ZNF804A: variants seen among roughly 807,000 people sequenced by gnomAD.
ZNF804A encodes zinc finger protein 804A.
ZNF804A carries 2 observed loss-of-function variants against 16.5 expected under a neutral mutation model. The observed-to-expected ratio is 0.12, with a 90% CI of 0.05 to 0.38. The LOEUF is 0.38. Ranked by LOEUF, ZNF804A falls within the 10% of genes least tolerant of loss-of-function variation. ZNF804A has a pLI of 0.99. For synonymous variants in ZNF804A, 534 were observed against 489.6 expected, an observed-to-expected ratio of 1.09 and a Z score of -1.20; for missense variants, 1,473 against 1,390.7, an observed-to-expected ratio of 1.06 and a Z score of -0.94.
intron 1 of ZNF804A, among the ~76,000 whole-genome samples, chr2:184,691,896 A>T (rs1397803804): frequency 6.6e-6 from 1 of 152,116 alleles, no homozygotes; most frequent in Non-Finnish European, 1.5e-5. Context: ...TAAAACACAG[A>T]GAAATGATCC....
chr2:184,744,584 C>G (rs942373378), intron 1 of ZNF804A, among the ~76,000 whole-genome samples: 1 of 151,874 alleles, frequency 6.6e-6, no homozygotes, highest in African/African-American at 2.4e-5. Context: ...TCTTGATCTT[C>G]CAATACTCCA....
intron 1 of ZNF804A, among the ~76,000 whole-genome samples, chr2:184,659,682 C>A (rs1692136297): frequency 6.6e-6 from 1 of 152,014 alleles, no homozygotes; most frequent in East Asian, 1.9e-4. Context: ...TGGCTGACCC[C>A]AAAAGCCATG....
chr2:184,656,349 G>T (rs933725070), intron 1 of ZNF804A, among the ~76,000 whole-genome samples: 1 of 152,108 alleles, frequency 6.6e-6, no homozygotes, highest in Non-Finnish European at 1.5e-5. Context: ...TTATTACAGT[G>T]CATGGAAGAG....
At chr2:184,837,010 C>T (rs1695360669) in intron 1 of ZNF804A, among the ~76,000 whole-genome samples, 2 of 152,034 alleles carry the variant, frequency 1.3e-5, no homozygotes, top group Non-Finnish European at 1.5e-5. Flanking sequence ...TCTGTTCACA[C>T]ATTGCTTTTC....
chr2:184,700,922 G>A (rs887825718), intron 1 of ZNF804A, among the ~76,000 whole-genome samples: 1 of 151,894 alleles, frequency 6.6e-6, no homozygotes, highest in African/African-American at 2.4e-5. Context: ...TCAGAGTAAT[G>A]AGGATATCCA....
intron 2 of ZNF804A, among the ~76,000 whole-genome samples, chr2:184,896,077 G>GT (rs1308813728): frequency 1.3e-5 from 2 of 151,684 alleles, no homozygotes; most frequent in Non-Finnish European, 2.9e-5. Flanking sequence ...TTTGCCACGT[G>GT]TTTTTTTTCT....
At chr2:184,801,716 A>G (rs530968712) in intron 1 of ZNF804A, among the ~76,000 whole-genome samples, 13 of 152,182 alleles carry the variant, frequency 8.5e-5, no homozygotes, top group Admixed American at 2.0e-4. Flanking sequence ...CTTTGATTAC[A>G]TTAACAACGT....
intron 1 of ZNF804A, among the ~76,000 whole-genome samples, chr2:184,696,783 T>G (rs1224437559): frequency 6.6e-6 from 1 of 152,080 alleles, no homozygotes; most frequent in Non-Finnish European, 1.5e-5. Context: ...GTGTTCTTGC[T>G]GTGCATATAA....
chr2:184,896,512 C>G (rs1558995748), intron 2 of ZNF804A, among the ~76,000 whole-genome samples: 2 of 152,104 alleles, frequency 1.3e-5, no homozygotes, highest in Non-Finnish European at 2.9e-5. Flanking sequence ...AATAAAAGCT[C>G]TGGTATCTTG....
chr2:184,813,245 A>C (rs1694928867), intron 1 of ZNF804A, among the ~76,000 whole-genome samples: 1 of 152,154 alleles, frequency 6.6e-6, no homozygotes, highest in Non-Finnish European at 1.5e-5. Flanking sequence ...ATTAAAAAAA[A>C]AGTATAAAAC....
chr2:184,687,396 G>C (rs1272475078), intron 1 of ZNF804A, among the ~76,000 whole-genome samples: 1 of 152,152 alleles, frequency 6.6e-6, no homozygotes, highest in African/African-American at 2.4e-5. Context: ...ATTCAGCATT[G>C]TGATCAGTTT....
chr2:184,917,710 A>G (rs555137449), intron 2 of ZNF804A, among the ~76,000 whole-genome samples: 2 of 152,102 alleles, frequency 1.3e-5, no homozygotes, highest in South Asian at 2.1e-4. Context: ...TACAGTAAAT[A>G]TAAGATTTGG....
intron 1 of ZNF804A, among the ~76,000 whole-genome samples, chr2:184,852,186 C>T (rs1695614341): frequency 6.6e-6 from 1 of 151,418 alleles, no homozygotes; most frequent in South Asian, 2.1e-4. Flanking sequence ...ACAAATAGTA[C>T]TGATAATATA....
At chr2:184,613,127 A>T (rs1476360767) in intron 1 of ZNF804A, among the ~76,000 whole-genome samples, 3 of 152,270 alleles carry the variant, frequency 2.0e-5, no homozygotes, top group Non-Finnish European at 4.4e-5. Context: ...TCTATGAAGT[A>T]TAGAAACTGT....
chr2:184,760,266 T>G (rs1355434271), intron 1 of ZNF804A, among the ~76,000 whole-genome samples: 4 of 152,226 alleles, frequency 2.6e-5, no homozygotes, highest in African/African-American at 9.6e-5. Context: ...GACTGTTTAT[T>G]TGAACGAATT....
intron 2 of ZNF804A, among the ~76,000 whole-genome samples, chr2:184,896,258 C>T (rs113113034): frequency 0.013 from 2,042 of 152,182 alleles, 27 homozygotes; most frequent in South Asian, 0.04. Flanking sequence ...AACTCCCTAT[C>T]AGGATGCATT....
chr2:184,848,078 T>C (rs746691208), intron 1 of ZNF804A, among the ~76,000 whole-genome samples: 5 of 151,988 alleles, frequency 3.3e-5, no homozygotes, highest in Admixed American at 6.6e-5. Context: ...TGACTCAATC[T>C]TCAGCCCTTC....
intron 2 of ZNF804A, among the ~76,000 whole-genome samples, chr2:184,932,516 C>G (rs990422465): frequency 1.3e-5 from 2 of 151,998 alleles, no homozygotes; most frequent in Non-Finnish European, 2.9e-5. Context: ...TGGGAAAGAC[C>G]CGCCCCCATG....
chr2:184,778,439 A>G (rs928292780), intron 1 of ZNF804A, among the ~76,000 whole-genome samples: 1 of 151,620 alleles, frequency 6.6e-6, no homozygotes, highest in Non-Finnish European at 1.5e-5. Flanking sequence ...ACACATATGT[A>G]TAAAGTGGTT....
Sources: gnomAD v4.1 joint callset for allele counts (sites outside exome capture counted in the v4.1 genomes callset) on GRCh38, gnomAD v4.1.1 for gene constraint, MANE v1.5 for transcripts, NCBI Gene and HGNC (gene_info 2026-07-23, HGNC 2026-07-21) for gene names.